The following HIVEP3 variants were observed in gnomAD, a reference collection of about 807,000 sequenced individuals.
The protein encoded by HIVEP3 is HIVEP zinc finger 3.
A neutral mutation model predicts 152.8 loss-of-function variants in HIVEP3; 49 were observed. That is an observed-to-expected ratio of 0.32 (90% CI 0.26 to 0.41). HIVEP3 has a LOEUF of 0.41. Among genes scored for constraint, HIVEP3 ranks in the 10% least tolerant of loss-of-function variants. The probability of loss-of-function intolerance (pLI) is 1.00; values close to 1 mark genes in which losing one functional copy is unlikely to be tolerated. For synonymous variants in HIVEP3, 1,269 were observed against 1,289.0 expected, an observed-to-expected ratio of 0.98 and a Z score of 0.33; for missense variants, 2,790 against 3,103.3, an observed-to-expected ratio of 0.90 and a Z score of 2.40.
At chr1:41,573,050 C>G (rs1304673269) in intron 5 of HIVEP3, among the ~76,000 whole-genome samples, 2 of 152,254 alleles carry the variant, frequency 1.3e-5, no homozygotes, top group Non-Finnish European at 2.9e-5. Context: ...TCTTCTTCCT[C>G]TCTCAGCCTC....
chr1:41,888,285 T>C lies in HIVEP3; in HGVS notation c.-801+30128A>G, dbSNP rs546321821. Reference sequence around the variant, plus strand: ...GCCAGGATGGTCTCAATCTCCTGACTTCGTAATCTGCCCACCTTGGCCTCC... The same window carrying C: ...GCCAGGATGGTCTCAATCTCCTGACCTCGTAATCTGCCCACCTTGGCCTCC... On this transcript the variant is annotated intron_variant, in intron 1 of 8. Coordinates refer to ENST00000372583, the MANE Select transcript of HIVEP3 (RefSeq NM_024503.5). Among the ~76,000 whole-genome samples, 1,077 of 148,832 alleles carry C rather than the reference T, an allele frequency of 7.2e-3. 10 individuals are homozygous for C. The highest frequency in any genetic ancestry group is 0.025 in the African/African-American group (1,016 of 40,182).
chr1:41,551,498 C>A (rs1569873430), intron 5 of HIVEP3, among the ~76,000 whole-genome samples: 1 of 152,060 alleles, frequency 6.6e-6, no homozygotes, highest in South Asian at 2.1e-4. Flanking sequence ...GCTGTGAATC[C>A]ATCTGGTCCT....
At chr1:42,029,212 T>G (rs1405783422) in intron 1 of HIVEP3, among the ~76,000 whole-genome samples, 2 of 152,204 alleles carry the variant, frequency 1.3e-5, no homozygotes, top group Non-Finnish European at 2.9e-5. Context: ...TTTCATTAGT[T>G]GGAGTAACCG....
At position 41,506,414 on chromosome 1, in the gene HIVEP3, A is replaced by G. The variant is rs528226676; in HGVS notation, c.*4037T>C. ...CCAACATGCTAATTCTTTTTTTTTT[A>G]AAAAATATCCTCAGGCTGAACACTC... On this transcript the variant is annotated 3_prime_UTR_variant, in exon 9 of 9. Transcript: ENST00000372583. 1 of 151,686 alleles carries G rather than the reference A, an allele frequency of 6.6e-6. No homozygotes were observed. The highest frequency in any genetic ancestry group is 1.9e-4 in the East Asian group (1 of 5,192). The allele number at this position is 151,686 out of a possible 1,614,324, so 9.4% of individuals were successfully genotyped here.
intron 1 of HIVEP3, among the ~76,000 whole-genome samples, chr1:41,891,397 C>T (rs1644444341): frequency 6.6e-6 from 1 of 152,326 alleles, no homozygotes; most frequent in East Asian, 1.9e-4. Context: ...AAATACAAAA[C>T]TCATTTCCCC....
chr1:41,642,095 C>A (rs969434687), intron 2 of HIVEP3, among the ~76,000 whole-genome samples: 6 of 152,182 alleles, frequency 3.9e-5, no homozygotes, highest in South Asian at 4.1e-4. Context: ...TTCCTGCCCC[C>A]ACCCTGGCTC....
At chr1:41,860,093 C>T (rs1643868845) in intron 1 of HIVEP3, among the ~76,000 whole-genome samples, 1 of 152,176 alleles carries the variant, frequency 6.6e-6, no homozygotes, top group South Asian at 2.1e-4. Context: ...TGCGGATCAA[C>T]AACTGGATTC....
chr1:41,552,105 T>C (rs898381465), intron 5 of HIVEP3, among the ~76,000 whole-genome samples: 1 of 152,218 alleles, frequency 6.6e-6, no homozygotes, highest in African/African-American at 2.4e-5. Context: ...TGGTTTCAAA[T>C]AACATCTTTA....
chr1:41,568,056 T>A (rs567400735), intron 5 of HIVEP3, among the ~76,000 whole-genome samples: 7 of 152,330 alleles, frequency 4.6e-5, no homozygotes, highest in African/African-American at 1.7e-4. Flanking sequence ...ATTTAATAGA[T>A]ATTCCCCAGC....
rs1046564730 is a variant in HIVEP3, at chr1:41,585,214, G to C, written c.-417C>G. 1.3e-5 allele frequency: 5 copies of C among 397,690 alleles called. No homozygotes were observed. The highest frequency in any genetic ancestry group is 2.1e-5 in the African/African-American group (1 of 47,390). The allele number at this position is 397,690 out of a possible 1,614,324, so 24.6% of individuals were successfully genotyped here. A position where few individuals can be genotyped will look rare whatever the true frequency, so the allele number is the denominator to read the frequency against. ...CTGTGTCCATGGCCCAGTCATCCCT[G>C]GTCCTGGCACAAGAGATGCCACGCT... On this transcript the variant is annotated 5_prime_UTR_variant, in exon 4 of 9. Transcript: ENST00000372583.
chr1:41,908,133 G>C (rs990497953), intron 1 of HIVEP3, among the ~76,000 whole-genome samples: 1 of 152,040 alleles, frequency 6.6e-6, no homozygotes, highest in Non-Finnish European at 1.5e-5. Context: ...TCTAGTAAGT[G>C]GAAGAGGAAA....
At chr1:41,674,740 C>T (rs935415531) in intron 2 of HIVEP3, among the ~76,000 whole-genome samples, 1 of 152,214 alleles carries the variant, frequency 6.6e-6, no homozygotes, top group Non-Finnish European at 1.5e-5. Flanking sequence ...ACACAAGCAC[C>T]TCTGAGGAGT....
intron 3 of HIVEP3, among the ~76,000 whole-genome samples, chr1:41,594,999 C>A (rs1479459557): frequency 2.0e-5 from 3 of 152,230 alleles, no homozygotes; most frequent in Non-Finnish European, 4.4e-5. Context: ...CACCTCCCCA[C>A]CTCTGAAATG....
At chr1:41,851,402 A>G (rs571033615) in intron 1 of HIVEP3, among the ~76,000 whole-genome samples, 1 of 144,380 alleles carries the variant, frequency 6.9e-6, no homozygotes, top group Non-Finnish European at 1.5e-5. Context: ...TCCTGGATTC[A>G]AGCAATTCTC....
chr1:41,645,191 C>G (rs1645440484), intron 2 of HIVEP3, among the ~76,000 whole-genome samples: 1 of 152,214 alleles, frequency 6.6e-6, no homozygotes, highest in Non-Finnish European at 1.5e-5. Context: ...AGCAGAAGCT[C>G]TGCTGCACAA....
chr1:41,936,448 G>A (rs1004699688), intron 1 of HIVEP3, among the ~76,000 whole-genome samples: 18 of 152,152 alleles, frequency 1.2e-4, no homozygotes, highest in Admixed American at 5.2e-4. Flanking sequence ...CTGAGCTTTT[G>A]TCCACCAGGT....
At chr1:41,864,208 C>T (rs1399111535) in intron 1 of HIVEP3, among the ~76,000 whole-genome samples, 1 of 152,168 alleles carries the variant, frequency 6.6e-6, no homozygotes, top group Non-Finnish European at 1.5e-5. Flanking sequence ...GTTTATAGCA[C>T]CCTGGTCGGG....
Position 41,510,637 on chromosome 1 carries a change from G to T in HIVEP3, c.7035C>A (p.Ala2345=). Residue 2345 remains alanine (A), a synonymous_variant, in exon 9 of 9, where the codon GCC becomes GCA. Transcript: ENST00000372583. ...AGCTGCTGCGGTCCAGCGGCGGGGT[G>T]GCAGAAGGCTCGGGGTTGGTCGGTG... is the stretch of plus-strand genomic sequence containing the variant. The part of the protein sequence containing the change: ...PRAPTNPEPS[A]TPPLDRSSSV... The T allele has an allele frequency of 6.5e-7, 1 of 1,542,796 alleles. No homozygotes were observed.
At chr1:41,712,688 C>G (rs923368391) in intron 1 of HIVEP3, among the ~76,000 whole-genome samples, 1 of 152,212 alleles carries the variant, frequency 6.6e-6, no homozygotes, top group Admixed American at 6.5e-5. Flanking sequence ...AGAAACAGAG[C>G]CACAACCTGT....
Sources: allele counts gnomAD v4.1 joint callset (sites outside exome capture counted in the v4.1 genomes callset), GRCh38; gene constraint gnomAD v4.1.1; transcripts MANE v1.5; gene names NCBI Gene and HGNC (gene_info 2026-07-23, HGNC 2026-07-21).